PPIP5K2: variants seen among roughly 807,000 people sequenced by gnomAD.
PPIP5K2 encodes the protein inositol hexakisphosphate and diphosphoinositol-pentakisphosphate kinase 2.
Under a neutral mutation model 154.6 loss-of-function variants are expected in PPIP5K2, and 105 were observed. The ratio of observed to expected loss-of-function variants is 0.68; its 90% CI spans 0.58 to 0.80. PPIP5K2 has a LOEUF of 0.80. Ranked by LOEUF, PPIP5K2 falls within the 30% of genes least tolerant of loss-of-function variation. The pLI, the probability that PPIP5K2 is intolerant of heterozygous loss-of-function variation, is 0.00. For missense variants in PPIP5K2, 992 were observed against 1,504.6 expected (o/e 0.66, Z 5.64); for synonymous variants, 480 against 490.3 (o/e 0.98, Z 0.28).
intron 16 of PPIP5K2, among the ~76,000 whole-genome samples, 179 bp downstream of exon 16, chr5:103,158,752 C>T (rs552242604): frequency 2.6e-5 from 4 of 151,842 alleles, no homozygotes; most frequent in African/African-American, 7.3e-5. Context: ...CGAAACCTGT[C>T]TCTGCAAAAA....
Position 103,158,221 on chromosome 5 carries a change from T to C in PPIP5K2, c.1523T>C (p.Val508Ala), listed in dbSNP as rs1554214283. ...AGAGAAGAACCATCTTTACTTTTGG[T>C]TCTAAAATGGGGAGGTGAATTAACT... ...SRREEPSLLL[V>A]LKWGGELTPA... The change falls in exon 15 of 31, where the codon GTT (valine) becomes GCT (alanine). Residue 508 changes from valine (V) to alanine (A), a missense_variant. By Grantham distance (64) the Val-to-Ala change is moderately conservative. Coordinates refer to ENST00000358359, the MANE Select transcript of PPIP5K2 (RefSeq NM_001276277.3). 1 of 1,613,902 alleles carries C rather than the reference T, an allele frequency of 6.2e-7. No individual in the cohort carries two copies. The highest frequency in any genetic ancestry group is 1.7e-5 in the Admixed American group (1 of 60,020).
intron 29 of PPIP5K2, among the ~76,000 whole-genome samples, chr5:103,193,600 T>C (rs1801605731): frequency 6.6e-6 from 1 of 152,014 alleles, no homozygotes; most frequent in Non-Finnish European, 1.5e-5. Context: ...AGAAAAGGGC[T>C]AAGTAAAGCT....
chr5:103,197,045 T>C (rs1554228752), intron 30 of PPIP5K2, among the ~76,000 whole-genome samples: 5 of 152,166 alleles, frequency 3.3e-5, no homozygotes, highest in Admixed American at 1.3e-4. Context: ...GAAGTTAAGA[T>C]AGAAAAATGC....
chr5:103,195,170 TG>T lies in PPIP5K2; in HGVS notation c.3619+146del, dbSNP rs1554228138. 2 of 992,914 alleles carry T rather than the reference TG, an allele frequency of 2.0e-6. 1 individual carries two copies. Among genetic ancestry groups the T allele is most frequent in the Non-Finnish European group, 2.8e-6 (2 of 706,012 alleles). 61.5% of individuals were successfully genotyped at this position (992,914 alleles called of 1,614,324 possible). On this transcript the variant is annotated intron_variant, in intron 30 of 30. Coordinates refer to ENST00000358359, the MANE Select transcript of PPIP5K2 (RefSeq NM_001276277.3). ...ATCCTAAGGGTTAAAAATCGATTAT[TG>T]TAGTCAATTGATATATATTTGTTTT...
At chr5:103,192,094 G>A (rs1262516722) in intron 29 of PPIP5K2, among the ~76,000 whole-genome samples, 2 of 151,996 alleles carry the variant, frequency 1.3e-5, no homozygotes, top group African/African-American at 4.8e-5. Flanking sequence ...TTTATACAAA[G>A]TAGTGACCTT....
At position 103,159,158 on chromosome 5, in the gene PPIP5K2, T is replaced by C; in HGVS notation, c.1750T>C (p.Leu584=). ...AAAFAKGLLA[L]EGELTPILVQ... is the part of the protein sequence containing the mutation. ...TTAATATGCTTAGGGGCTTTTAGCTTTGGAAGGAGAGCTTACACCCATTCT... is the reference window on the plus strand; with the variant it reads ...TTAATATGCTTAGGGGCTTTTAGCTCTGGAAGGAGAGCTTACACCCATTCT... The change falls in exon 17 of 31, where the codon TTG becomes CTG. Residue 584 remains leucine, a synonymous_variant. Transcript: ENST00000358359. 1 of 1,580,804 alleles carries C rather than the reference T, an allele frequency of 6.3e-7. No homozygotes were observed. The highest frequency in any genetic ancestry group is 8.6e-7 in the Non-Finnish European group (1 of 1,163,700).
chr5:103,158,579 A>G lies in PPIP5K2; in HGVS notation c.1737+6A>G, dbSNP rs544641805. 1.3e-6 allele frequency: 2 copies of G among 1,565,926 alleles called. No homozygotes were observed. The highest frequency in any genetic ancestry group is 1.4e-5 in the African/African-American group (1 of 72,114). On this transcript the variant is annotated splice_donor_region_variant and intron_variant, in intron 16 of 30. Coordinates refer to ENST00000358359, the MANE Select transcript of PPIP5K2 (RefSeq NM_001276277.3). The stretch of plus-strand genomic sequence containing the variant: ...CTGCAGCTGCTTTTGCAAAGGTATA[A>G]ATAATTTTTTTTTAGAATTATTAGA...
In PPIP5K2 at chr5:103,202,586, T is replaced by C. The variant is rs543015895; in HGVS notation, c.*952T>C. ...TCCCTAGTGTATCAGTTGATCACAC[T>C]AAGAAAGCTTAAAGATTGAGCATTT... On this transcript the variant is annotated 3_prime_UTR_variant, in exon 31 of 31. Transcript: ENST00000358359. 8 of 152,310 alleles carry C rather than the reference T, an allele frequency of 5.3e-5. No homozygotes were observed. Among genetic ancestry groups the C allele is most frequent in the African/African-American group, 1.9e-4 (8 of 41,584 alleles). The allele number at this position is 152,310 out of a possible 1,614,324, so 9.4% of individuals were successfully genotyped here.
chr5:103,184,717 G>C lies in PPIP5K2; in HGVS notation c.3142G>C (p.Val1048Leu), dbSNP rs1800088463. The C allele has an allele frequency of 1.1e-5, 17 of 1,612,800 alleles. No individual in the cohort carries two copies. The highest frequency in any genetic ancestry group is 1.2e-5 in the Non-Finnish European group (14 of 1,179,040). Residue 1048 changes from valine (V) to leucine (L), a missense_variant, in exon 26 of 31, where the codon GTG becomes CTG. Coordinates refer to ENST00000358359, the MANE Select transcript of PPIP5K2 (RefSeq NM_001276277.3). ...TTACCTGAGAACACCAAGAACTCTTGTGGAACAGAAGCAGAATCCTACTGT... is the reference window on the plus strand; with the variant it reads ...TTACCTGAGAACACCAAGAACTCTTCTGGAACAGAAGCAGAATCCTACTGT... ...ANYLRTPRTL[V>L]EQKQNPTVGS...
In PPIP5K2 at chr5:103,194,909, C is replaced by G. The variant is rs781906546; in HGVS notation, c.3503C>G (p.Ala1168Gly). 6.2e-7 allele frequency: 1 copy of G among 1,611,762 alleles called. No individual in the cohort carries two copies. Among genetic ancestry groups the G allele is most frequent in the Non-Finnish European group, 8.5e-7 (1 of 1,178,878 alleles). Residue 1168 changes from alanine (A) to glycine (G), a missense_variant, in exon 30 of 31, where the codon GCT (alanine) becomes GGT (glycine). By Grantham distance (60) the Ala-to-Gly change is moderately conservative (BLOSUM62 0). Around this residue, in one of 9 missense-constraint regions of PPIP5K2, gnomAD observed 131 missense variants for 117.8 expected, o/e 1.11. Transcript: ENST00000358359. ...GTTTATTTTTTTTCAGCCTCTACAGCTTTACGTTCCAGTCCAATAATGAGA... is the reference window on the plus strand; with the variant it reads ...GTTTATTTTTTTTCAGCCTCTACAGGTTTACGTTCCAGTCCAATAATGAGA... ...PRKTAEISST[A>G]LRSSPIMRKK...
rs376135773 is a variant in PPIP5K2 at position 103,159,316 on chromosome 5, A to G, written c.1908A>G (p.Glu636=). The change falls in exon 17 of 31, where the codon GAA becomes GAG. Residue 636 remains glutamate, a synonymous_variant. Coordinates refer to ENST00000358359, the MANE Select transcript of PPIP5K2 (RefSeq NM_001276277.3). ...ILQKDRDFTA[E]DYEKLTPSGS... is the part of the protein sequence containing the mutation. ...AGAAAGACAGAGATTTTACTGCTGA[A>G]GATTATGAAAAGGTGGGTCTTAGCA... 318 of 1,605,420 alleles carry G rather than the reference A, an allele frequency of 2.0e-4. No individual in the cohort carries two copies. Among genetic ancestry groups the G allele is most frequent in the Non-Finnish European group, 2.5e-4 (290 of 1,177,362 alleles).
chr5:103,136,759 A>T lies in PPIP5K2; in HGVS notation c.338A>T (p.Tyr113Phe), dbSNP rs1201279037. 2 of 1,613,644 alleles carry T rather than the reference A, an allele frequency of 1.2e-6. No homozygotes were observed. The highest frequency in any genetic ancestry group is 1.7e-6 in the Non-Finnish European group (2 of 1,179,634). Reference protein sequence around the residue: ...KGFPLDKAVAYAKLRNPFVIN... With the variant: ...KGFPLDKAVAFAKLRNPFVIN... Reference sequence around the variant, plus strand: ...TTTCCACTGGACAAAGCGGTTGCCTATGCAAAACTCAGGAATCCATTTGTA... The same window carrying T: ...TTTCCACTGGACAAAGCGGTTGCCTTTGCAAAACTCAGGAATCCATTTGTA... The change falls in exon 4 of 31, where the codon TAT (tyrosine) becomes TTT (phenylalanine). Residue 113 changes from tyrosine (Y) to phenylalanine (F), a missense_variant. Transcript: ENST00000358359.
intron 5 of PPIP5K2, among the ~76,000 whole-genome samples, chr5:103,144,389 A>G (rs1306063393): frequency 1.3e-5 from 2 of 152,176 alleles, no homozygotes; most frequent in South Asian, 2.1e-4. Flanking sequence ...ATGCAGTCAG[A>G]ATAGCAAAGA....
intron 19 of PPIP5K2, among the ~76,000 whole-genome samples, chr5:103,172,607 T>C (rs551285128): frequency 2.0e-5 from 3 of 151,704 alleles, no homozygotes; most frequent in Non-Finnish European, 4.4e-5. Flanking sequence ...CACATTGTGC[T>C]AATTCCTTAC....
chr5:103,142,292 T>C (rs1396560493), intron 5 of PPIP5K2, among the ~76,000 whole-genome samples: 1 of 150,816 alleles, frequency 6.6e-6, no homozygotes, highest in East Asian at 1.9e-4. Context: ...AAGTCCCTCA[T>C]TGTCCAGGGC....
At chr5:103,167,052 T>A in intron 17 of PPIP5K2, 127 bp from the exon 18 acceptor site, 1 of 669,162 alleles carries the variant, frequency 1.5e-6, no homozygotes, top group Non-Finnish European at 2.3e-6. Flanking sequence ...TCAACTGTAT[T>A]TTGTGGTCAT....
At chr5:103,186,031 G>T (rs1045983308) in intron 26 of PPIP5K2, among the ~76,000 whole-genome samples, 1 of 150,916 alleles carries the variant, frequency 6.6e-6, no homozygotes, top group Admixed American at 6.6e-5. Flanking sequence ...TAATACTTTA[G>T]GATGTATATG....
In PPIP5K2 at chr5:103,154,756, T is replaced by A. The variant is rs1795136945; in HGVS notation, c.1293+11T>A. The A allele has an allele frequency of 3.2e-6, 5 of 1,565,512 alleles. No homozygotes were observed. The highest frequency in any genetic ancestry group is 4.3e-6 in the Non-Finnish European group (5 of 1,157,928). ...CCAAAACAGTTACAGGCAAGTGTAT[T>A]TGCTTTCTTGTTTAATTTTAAATTT... On this transcript the variant is annotated intron_variant, in intron 12 of 30. Coordinates refer to ENST00000358359, the MANE Select transcript of PPIP5K2 (RefSeq NM_001276277.3).
rs78181417 is a variant in PPIP5K2 at position 103,211,714 on chromosome 5, G to A, written c.*10080G>A. The A allele has an allele frequency of 5.9e-5, 9 of 152,030 alleles. No homozygotes were observed. Among genetic ancestry groups the A allele is most frequent in the African/African-American group, 2.2e-4 (9 of 41,416 alleles). The allele number at this position is 152,030 out of a possible 1,614,324, so 9.4% of individuals were successfully genotyped here. Reference sequence around the variant, plus strand: ...TTCTCTAAATGTGTGCTGAATGCTGGTTATAAACCAGTTACTACACTAAGC... The same window carrying A: ...TTCTCTAAATGTGTGCTGAATGCTGATTATAAACCAGTTACTACACTAAGC... On this transcript the variant is annotated 3_prime_UTR_variant, in exon 31 of 31. Transcript: ENST00000358359.
Sources: allele counts gnomAD v4.1 joint callset (sites outside exome capture counted in the v4.1 genomes callset), GRCh38; gene constraint gnomAD v4.1.1; regional missense constraint gnomAD v4.1.1; transcripts MANE v1.5; gene names NCBI Gene and HGNC (gene_info 2026-07-23, HGNC 2026-07-21).